FAM133B: variants seen among roughly 807,000 people sequenced by gnomAD.
FAM133B encodes protein FAM133B.
Under a neutral mutation model 46.4 loss-of-function variants are expected in FAM133B, and 25 were observed. That is an observed-to-expected ratio of 0.54 (90% CI 0.39 to 0.75). The LOEUF (loss-of-function observed/expected upper bound fraction) is 0.75, where lower values mean the gene tolerates loss of function less well. Among genes scored for constraint, FAM133B ranks in the 30% least tolerant of loss-of-function variants. The pLI, the probability that FAM133B is intolerant of heterozygous loss-of-function variation, is 0.00. For missense variants in FAM133B, 205 were observed against 277.6 expected, an observed-to-expected ratio of 0.74 and a Z score of 1.86; for synonymous variants, 75 against 86.0, an observed-to-expected ratio of 0.87 and a Z score of 0.71.
chr7:92,590,256 C>A lies in FAM133B; in HGVS notation c.24+12G>T. ...CTGCGTCGCCCCACTGTTTTCCCGG[C>A]TGAGTACTCACCACCCGATTGTCCC... is the stretch of plus-strand genomic sequence containing the variant. On this transcript the variant is annotated intron_variant, in intron 1 of 10. Transcript: ENST00000445716. The A allele has an allele frequency of 6.2e-7, 1 of 1,613,694 alleles. No homozygotes were observed. The highest frequency in any genetic ancestry group is 8.5e-7 in the Non-Finnish European group (1 of 1,179,660).
intron 1 of FAM133B, chr7:92,589,857 G>A (rs1300383202): frequency 5.1e-6 from 1 of 194,946 alleles, no homozygotes; most frequent in Non-Finnish European, 1.1e-5. Context: ...GAGGGGTGCG[G>A]ACCTGGGGCG....
At chr7:92,573,018 ATAAC>A (rs1467534635) in intron 8 of FAM133B, among the ~76,000 whole-genome samples, 1 of 152,054 alleles carries the variant, frequency 6.6e-6, no homozygotes, top group Non-Finnish European at 1.5e-5. Flanking sequence ...TCCAGTAGGT[ATAAC>A]TAATTAAAAA....
chr7:92,576,266 AGTT>A (rs1794691883), intron 7 of FAM133B, among the ~76,000 whole-genome samples: 1 of 152,168 alleles, frequency 6.6e-6, no homozygotes, highest in Admixed American at 6.5e-5. Flanking sequence ...TACTTCCTGA[AGTT>A]GTTGAGATTC....
intron 1 of FAM133B, among the ~76,000 whole-genome samples, chr7:92,584,041 C>T (rs531619044): frequency 1.9e-5 from 2 of 105,160 alleles, no homozygotes; most frequent in African/African-American, 7.8e-5. Context: ...AAGAGCAAGA[C>T]TGTCTCAAAA....
chr7:92,572,148 T>C (rs1303922260), intron 8 of FAM133B, among the ~76,000 whole-genome samples: 1 of 152,170 alleles, frequency 6.6e-6, no homozygotes, highest in Admixed American at 6.5e-5. Context: ...ATGTTGTTTC[T>C]TTCCAACAGA....
At chr7:92,578,088 T>C (rs1585309115) in intron 5 of FAM133B, 62 bp downstream of exon 5, 2 of 1,426,086 alleles carry the variant, frequency 1.4e-6, no homozygotes, top group Non-Finnish European at 2.0e-6. Flanking sequence ...AAACAAATTA[T>C]TCTTACTTTT....
intron 9 of FAM133B, among the ~76,000 whole-genome samples, chr7:92,569,367 GAT>G (rs1794461580): frequency 6.7e-5 from 10 of 148,524 alleles, no homozygotes; most frequent in Middle Eastern, 3.7e-3. Context: ...GAAGTAATAT[GAT>G]ATGTTTCCTG....
At chr7:92,566,346 G>A (rs552807554) in intron 9 of FAM133B, among the ~76,000 whole-genome samples, 46 of 152,210 alleles carry the variant, frequency 3.0e-4, no homozygotes, top group African/African-American at 1.0e-3. Flanking sequence ...GCTTTAGGCC[G>A]AGTGTGGTTG....
At chr7:92,566,347 A>G (rs1794348566) in intron 9 of FAM133B, among the ~76,000 whole-genome samples, 1 of 152,016 alleles carries the variant, frequency 6.6e-6, no homozygotes, top group African/African-American at 2.4e-5. Context: ...CTTTAGGCCG[A>G]GTGTGGTTGC....
At position 92,579,331 on chromosome 7, in the gene FAM133B, C is replaced by G; in HGVS notation, c.187G>C (p.Glu63Gln). The G allele has an allele frequency of 6.2e-7, 1 of 1,608,712 alleles. No individual in the cohort carries two copies. The highest frequency in any genetic ancestry group is 8.5e-7 in the Non-Finnish European group (1 of 1,178,532). Residue 63 changes from glutamate (E) to glutamine (Q), a missense_variant, in exon 3 of 11, where the codon GAA becomes CAA. Physicochemically the swap from Glu to Gln is conservative, Grantham distance 29 (BLOSUM62 2). Coordinates refer to ENST00000445716, the MANE Select transcript of FAM133B (RefSeq NM_152789.4). The stretch of plus-strand genomic sequence containing the variant: ...TTTTTACAAACCTCATTCATTTTTT[C>G]TTCAAATTCAGCCAAAGCCTTGGAG... ...KGSKALAEFE[E>Q]KMNENWKKEL...
intron 2 of FAM133B, among the ~76,000 whole-genome samples, chr7:92,581,181 A>G (rs1026205430): frequency 1.3e-5 from 2 of 152,266 alleles, no homozygotes; most frequent in Non-Finnish European, 2.9e-5. Flanking sequence ...ATCTGGTTAC[A>G]CATCAGTAAA....
At chr7:92,567,601 T>C (rs1276218981) in intron 9 of FAM133B, among the ~76,000 whole-genome samples, 2 of 152,158 alleles carry the variant, frequency 1.3e-5, no homozygotes, top group Non-Finnish European at 1.5e-5. Context: ...TTATTCTTGT[T>C]ATTACAATGA....
Position 92,575,953 on chromosome 7 carries a change from G to A in FAM133B, c.466-132C>T, listed in dbSNP as rs74635435. ...TACTCCAATCCCAGTATATTATTCC[G>A]AAAATTTAAGAGAAATATAAGTTAT... On this transcript the variant is annotated intron_variant, in intron 7 of 10. Coordinates refer to ENST00000445716, the MANE Select transcript of FAM133B (RefSeq NM_152789.4). The A allele has an allele frequency of 5.6e-4, 225 of 404,846 alleles. 3 individuals carry two copies. The East Asian group carries it at 7.9e-3, about 14-fold the overall frequency. The allele number at this position is 404,846 out of a possible 1,614,324, so 25.1% of individuals were successfully genotyped here.
intron 2 of FAM133B, among the ~76,000 whole-genome samples, chr7:92,579,926 T>C (rs1794817172): frequency 6.6e-6 from 1 of 152,218 alleles, no homozygotes; most frequent in South Asian, 2.1e-4. Context: ...TGGAAAGACA[T>C]ACTTAAAAGA....
chr7:92,565,342 G>A (rs1794310613), intron 10 of FAM133B, among the ~76,000 whole-genome samples: 2 of 150,104 alleles, frequency 1.3e-5, no homozygotes, highest in African/African-American at 2.5e-5. Flanking sequence ...TTTTAGTAGA[G>A]ACGGGGTTTC....
intron 2 of FAM133B, among the ~76,000 whole-genome samples, 166 bp from the exon 3 acceptor site, chr7:92,579,561 C>T (rs1794804041): frequency 6.6e-6 from 1 of 152,080 alleles, no homozygotes; most frequent in Non-Finnish European, 1.5e-5. Context: ...AAATAAATTA[C>T]CATAATAAAG....
At chr7:92,586,028 TA>T (rs1795027713) in intron 1 of FAM133B, among the ~76,000 whole-genome samples, 3 of 152,344 alleles carry the variant, frequency 2.0e-5, no homozygotes. Context: ...ATCTTTAAAG[TA>T]CATTAATATT....
At chr7:92,581,785 G>T (rs978840643) in intron 1 of FAM133B, 182 bp from the exon 2 acceptor site, 61 of 521,486 alleles carry the variant, frequency 1.2e-4, no homozygotes, top group Non-Finnish European at 7.8e-5. Flanking sequence ...TTAAAAGTTT[G>T]GGAGAAAATT....
At chr7:92,562,487 C>T in intron 10 of FAM133B, 119 bp from the exon 11 acceptor site, 1 of 1,345,110 alleles carries the variant, frequency 7.4e-7, no homozygotes, top group East Asian at 2.7e-5. Context: ...AAGAAAACTA[C>T]TCAAAACATT....
Sources: gnomAD v4.1 joint callset for allele counts (sites outside exome capture counted in the v4.1 genomes callset) on GRCh38, gnomAD v4.1.1 for gene constraint, MANE v1.5 for transcripts, NCBI Gene and HGNC (gene_info 2026-07-23, HGNC 2026-07-21) for gene names.